SCCPDH: variants seen among roughly 807,000 people sequenced by gnomAD.
SCCPDH encodes the protein saccharopine dehydrogenase (putative).
In SCCPDH, 34 loss-of-function variants were observed where a neutral mutation model predicts 51.5. That is an observed-to-expected ratio of 0.66 (90% CI 0.50 to 0.88). The LOEUF is 0.88. Ranked by LOEUF, SCCPDH falls within the 40% of genes least tolerant of loss-of-function variation. SCCPDH has a pLI of 0.00. For synonymous variants in SCCPDH, 187 were observed against 191.3 expected (o/e 0.98, Z 0.19); for missense variants, 464 against 527.1 (o/e 0.88, Z 1.17).
At position 246,753,977 on chromosome 1, in the gene SCCPDH, A is replaced by T. The variant is rs141897826; in HGVS notation, c.565-4249A>T. ...TAACATGAGACCTAGGGGGCACTCA[A>T]GGGGAATATCCTTGTTATCTTTGTC... On this transcript the variant is annotated intron_variant, in intron 5 of 11. Transcript: ENST00000366510. Among the ~76,000 whole-genome samples the T allele has an allele frequency of 2.7e-3, 408 of 151,998 alleles. 2 individuals are homozygous for T. Among genetic ancestry groups the T allele is most frequent in the African/African-American group, 9.2e-3 (382 of 41,458 alleles).
chr1:246,744,113 T>G lies in SCCPDH; in HGVS notation c.552T>G (p.His184Gln). 1 of 1,600,706 alleles carries G rather than the reference T, an allele frequency of 6.2e-7. No individual in the cohort carries two copies. ...CTGTGGAAAGTTTCCTGACTATACATTCAGGACCTGAGGTTGGTTTTTTGG... is the reference window on the plus strand; with the variant it reads ...CTGTGGAAAGTTTCCTGACTATACAGTCAGGACCTGAGGTTGGTTTTTTGG... ...LTAVESFLTI[H>Q]SGPEGLSIHD... The change falls in exon 5 of 12, where the codon CAT (histidine) becomes CAG (glutamine). Residue 184 changes from histidine (H) to glutamine (Q), a missense_variant. His to Gln is a conservative substitution (Grantham distance 24). Coordinates refer to ENST00000366510, the MANE Select transcript of SCCPDH (RefSeq NM_016002.3).
At chr1:246,757,114 C>T (rs918948766) in intron 5 of SCCPDH, among the ~76,000 whole-genome samples, 4 of 152,124 alleles carry the variant, frequency 2.6e-5, no homozygotes, top group African/African-American at 7.2e-5. Context: ...GAGGCCAAGG[C>T]GGGCGGCTTG....
rs1669115667 is a variant in SCCPDH at position 246,768,067 on chromosome 1, A to G, written c.*767A>G. 6.6e-6 allele frequency: 1 copy of G among 152,204 alleles called. No homozygotes were observed. Among genetic ancestry groups the G allele is most frequent in the South Asian group, 2.1e-4 (1 of 4,826 alleles). The allele number at this position is 152,204 out of a possible 1,614,324, so 9.4% of individuals were successfully genotyped here. On this transcript the variant is annotated 3_prime_UTR_variant, in exon 12 of 12. Transcript: ENST00000366510. ...TGTATTTTAACTAGGTTTTACATGG[A>G]AGCCCTAAAATAAGGCAAAAGACTT... is the stretch of plus-strand genomic sequence containing the variant.
Position 246,758,318 on chromosome 1 carries a change from G to A in SCCPDH, c.657G>A (p.Leu219=), listed in dbSNP as rs1464530576. 4 of 1,610,344 alleles carry A rather than the reference G, an allele frequency of 2.5e-6. No homozygotes were observed. Among genetic ancestry groups the A allele is most frequent in the Non-Finnish European group, 3.4e-6 (4 of 1,178,560 alleles). ...GAAAACTAAGAAATGTATCAAATCT[G>A]AAACCTGTCCCGCTCATTGGTCCAA... ...NLRKLRNVSN[L]KPVPLIGPKL... Residue 219 remains leucine (L), a synonymous_variant, in exon 6 of 12, where the codon CTG becomes CTA. Transcript: ENST00000366510.
intron 4 of SCCPDH, among the ~76,000 whole-genome samples, chr1:246,740,614 A>G (rs535089177): frequency 6.6e-6 from 1 of 152,250 alleles, no homozygotes; most frequent in Non-Finnish European, 1.5e-5. Flanking sequence ...GAATCAGCAC[A>G]TTTTAAAGCA....
chr1:246,732,681 C>T (rs959507353), intron 2 of SCCPDH, among the ~76,000 whole-genome samples: 7 of 152,186 alleles, frequency 4.6e-5, no homozygotes, highest in Non-Finnish European at 2.9e-5. Context: ...AGCCACCACA[C>T]CCAGCCTGCT....
At chr1:246,761,283 G>A (rs935803160) in intron 9 of SCCPDH, among the ~76,000 whole-genome samples, 1 of 152,110 alleles carries the variant, frequency 6.6e-6, no homozygotes, top group African/African-American at 2.4e-5. Context: ...CACCAAGTTG[G>A]GCAGGCTGGT....
intron 9 of SCCPDH, among the ~76,000 whole-genome samples, chr1:246,763,057 T>C (rs1669042911): frequency 6.6e-6 from 1 of 152,018 alleles, no homozygotes; most frequent in Admixed American, 6.6e-5. Context: ...GCTCTCTAAA[T>C]CTGCCCAGTG....
chr1:246,744,221 G>A (rs1668722219), intron 5 of SCCPDH, 96 bp downstream of exon 5: 1 of 587,790 alleles, frequency 1.7e-6, no homozygotes, highest in South Asian at 3.3e-5. Context: ...AATTTTTAAT[G>A]TGTGAAAGTC....
In SCCPDH at chr1:246,724,647, G is replaced by T. The variant is rs755787638; in HGVS notation, c.190+35G>T. ...CGGGGCGGGACGGGGCTGCGCGGGC[G>T]GCTGGGCCGGGGACCCCGCATCGCC... On this transcript the variant is annotated intron_variant, in intron 1 of 11. Coordinates refer to ENST00000366510, the MANE Select transcript of SCCPDH (RefSeq NM_016002.3). The T allele has an allele frequency of 5.6e-6, 8 of 1,424,192 alleles. No homozygotes were observed. The South Asian group carries it at 1.2e-4, about 21-fold the overall frequency. The allele number at this position is 1,424,192 out of a possible 1,614,324, so 88.2% of individuals were successfully genotyped here.
Position 246,724,947 on chromosome 1 carries a change from C to T in SCCPDH, c.190+335C>T, listed in dbSNP as rs1413126607. Among the ~76,000 whole-genome samples, 4 of 152,106 alleles carry T rather than the reference C, an allele frequency of 2.6e-5. 1 individual carries two copies. In the South Asian group the frequency reaches 6.2e-4, roughly 24 times the overall value. ...GAGTTGTCCCTCTCTCTGCTTCATC[C>T]TGCCCCGCAGCGGGGGCACCTGTTG... On this transcript the variant is annotated intron_variant, in intron 1 of 11. Transcript: ENST00000366510.
intron 2 of SCCPDH, among the ~76,000 whole-genome samples, chr1:246,734,314 T>A (rs191109793): frequency 6.6e-6 from 1 of 152,344 alleles, no homozygotes; most frequent in African/African-American, 2.4e-5. Context: ...GAGCTTCAAC[T>A]TCTGTTTTAA....
intron 5 of SCCPDH, among the ~76,000 whole-genome samples, chr1:246,755,262 GT>G (rs937099791): frequency 9.2e-5 from 14 of 152,062 alleles, no homozygotes; most frequent in African/African-American, 3.1e-4. Flanking sequence ...TCACAAACAG[GT>G]TTTTTTGTTT....
At chr1:246,741,924 C>G (rs554180906) in intron 4 of SCCPDH, among the ~76,000 whole-genome samples, 14 of 152,228 alleles carry the variant, frequency 9.2e-5, no homozygotes, top group African/African-American at 3.1e-4. Flanking sequence ...AAAAAATTAG[C>G]TGGTCGTGGT....
chr1:246,729,828 T>A (rs1668465308), intron 2 of SCCPDH, among the ~76,000 whole-genome samples: 1 of 151,680 alleles, frequency 6.6e-6, no homozygotes, highest in African/African-American at 2.4e-5. Flanking sequence ...GTGTAAGAAA[T>A]TATAAAAGTA....
chr1:246,761,442 G>T (rs1669011935), intron 9 of SCCPDH, among the ~76,000 whole-genome samples: 1 of 152,128 alleles, frequency 6.6e-6, no homozygotes, highest in Admixed American at 6.5e-5. Flanking sequence ...ATTTAAAAAT[G>T]CTGAGTGGTA....
intron 9 of SCCPDH, among the ~76,000 whole-genome samples, chr1:246,762,746 CAGG>C (rs1669036355): frequency 6.7e-6 from 1 of 148,980 alleles, no homozygotes; most frequent in South Asian, 2.1e-4. Context: ...GAGGCTGAGG[CAGG>C]AGAATTGCTT....
intron 1 of SCCPDH, among the ~76,000 whole-genome samples, chr1:246,725,169 G>A (rs1572290398): frequency 1.3e-5 from 2 of 152,308 alleles, no homozygotes; most frequent in South Asian, 4.1e-4. Context: ...CCTCTTCAGA[G>A]AATAAAAAGT....
At chr1:246,761,045 G>C (rs1241572134) in intron 9 of SCCPDH, among the ~76,000 whole-genome samples, 1 of 151,914 alleles carries the variant, frequency 6.6e-6, no homozygotes, top group Admixed American at 6.6e-5. Context: ...TTCCCATCCT[G>C]ACCTTCTTTC....
Sources: gnomAD v4.1 joint callset for allele counts (sites outside exome capture counted in the v4.1 genomes callset) on GRCh38, gnomAD v4.1.1 for gene constraint, MANE v1.5 for transcripts, NCBI Gene and HGNC (gene_info 2026-07-23, HGNC 2026-07-21) for gene names.